The following TYW1B variants were observed in gnomAD, a reference collection of about 807,000 sequenced individuals.
The protein encoded by TYW1B is tRNA-yW synthesizing protein 1 homolog B, also known as S-adenosyl-L-methionine-dependent tRNA 4-demethylwyosine synthase TYW1B.
A neutral mutation model predicts 86.9 loss-of-function variants in TYW1B; 73 were observed. That is an observed-to-expected ratio of 0.84 (90% confidence interval 0.70 to 1.02). TYW1B has a LOEUF of 1.02. Among genes scored for constraint, TYW1B ranks in the 50% least tolerant of loss-of-function variants. TYW1B has a pLI of 0.00. For synonymous variants in TYW1B, 248 were observed against 292.8 expected (o/e 0.85, Z 1.56); for missense variants, 637 against 827.4 (o/e 0.77, Z 2.82).
At chr7:72,659,645 C>T (rs1459651972) in intron 11 of TYW1B, among the ~76,000 whole-genome samples, 6 of 152,094 alleles carry the variant, frequency 3.9e-5, no homozygotes, top group African/African-American at 1.4e-4. Context: ...GGTCAAAATA[C>T]GGAAACAGAA....
At chr7:72,786,683 C>T (rs1447152184) in intron 6 of TYW1B, among the ~76,000 whole-genome samples, 1 of 151,436 alleles carries the variant, frequency 6.6e-6, no homozygotes, top group Admixed American at 6.6e-5. Context: ...TCAAGCAATC[C>T]TCCCACCTTA....
rs1554451129 is a variant in TYW1B at position 72,694,775 on chromosome 7, G to A, written c.1418C>T (p.Thr473Ile). 1.2e-6 allele frequency: 2 copies of A among 1,613,614 alleles called. No individual in the cohort carries two copies. Among genetic ancestry groups the A allele is most frequent in the South Asian group, 2.2e-5 (2 of 90,926 alleles). Reference protein sequence around the residue: ...TQLYVSVDASTKDSLKKIDRP... With the variant: ...TQLYVSVDASIKDSLKKIDRP... ...GTCGATTTTCTTCAGGCTGTCTTTGGTACTGGCATCCACACTGACATACAG... is the reference window on the plus strand; with the variant it reads ...GTCGATTTTCTTCAGGCTGTCTTTGATACTGGCATCCACACTGACATACAG... Residue 473 changes from threonine (T) to isoleucine (I), a missense_variant, in exon 11 of 14, where the codon ACC becomes ATC. Thr to Ile is a moderately conservative substitution (Grantham distance 89). Transcript: ENST00000620995.
intron 2 of TYW1B, among the ~76,000 whole-genome samples, chr7:72,817,496 C>A (rs1189376851): frequency 4.6e-5 from 7 of 152,042 alleles, no homozygotes; most frequent in Non-Finnish European, 1.0e-4. Flanking sequence ...TCGTCCCCTC[C>A]AAATATCATT....
intron 11 of TYW1B, among the ~76,000 whole-genome samples, chr7:72,632,604 G>C (rs1490320655): frequency 6.9e-6 from 1 of 144,468 alleles, no homozygotes; most frequent in Non-Finnish European, 1.5e-5. Flanking sequence ...TCTACATGGA[G>C]AGCCATGATG....
intron 6 of TYW1B, among the ~76,000 whole-genome samples, chr7:72,788,304 T>C (rs1554472880): frequency 1.3e-5 from 2 of 152,066 alleles, no homozygotes; most frequent in Non-Finnish European, 2.9e-5. Flanking sequence ...ATAGCTCCTC[T>C]TCCCGGGCTT....
chr7:72,679,757 A>G (rs1813824384), intron 11 of TYW1B, among the ~76,000 whole-genome samples: 1 of 152,226 alleles, frequency 6.6e-6, no homozygotes. Context: ...ATAGGGTTAC[A>G]TTATTATATA....
In TYW1B at chr7:72,694,692, C is replaced by T. The variant is rs1554451079; in HGVS notation, c.1501G>A (p.Val501Ile). 2 of 1,606,544 alleles carry T rather than the reference C, an allele frequency of 1.2e-6. No individual in the cohort carries two copies. Among genetic ancestry groups the T allele is most frequent in the African/African-American group, 2.7e-5 (2 of 74,392 alleles). The part of the protein sequence containing the change: ...QFLDSLKALA[V>I]KQQRTVYRLM... ...TAAGATGTCATAATTCTTACCTTGA[C>T]TGCCAAGGCTTTTAAACTGTCAAGG... The change falls in exon 11 of 14, where the codon GTC becomes ATC. Residue 501 changes from valine to isoleucine, a missense_variant. Physicochemically the swap from Val to Ile is conservative, Grantham distance 29. Transcript: ENST00000620995.
intron 7 of TYW1B, among the ~76,000 whole-genome samples, chr7:72,747,390 CCT>C (rs1787414439): frequency 6.6e-6 from 1 of 152,212 alleles, no homozygotes; most frequent in South Asian, 2.1e-4. Context: ...TCCAACTGAA[CCT>C]CTTTTTCTTC....
chr7:72,791,237 T>C (rs1255846769), intron 6 of TYW1B, among the ~76,000 whole-genome samples: 2 of 152,068 alleles, frequency 1.3e-5, no homozygotes, highest in South Asian at 2.1e-4. Flanking sequence ...AGGGCCATAA[T>C]AGGATTCCGA....
chr7:72,791,133 C>G (rs1554473285), intron 6 of TYW1B, among the ~76,000 whole-genome samples: 1 of 152,120 alleles, frequency 6.6e-6, no homozygotes, highest in African/African-American at 2.4e-5. Flanking sequence ...TAGAGGAGCG[C>G]TATGGAACGT....
chr7:72,665,722 A>G lies in TYW1B; in HGVS notation c.1506+28965T>C, dbSNP rs150160070. ...AGTAGCCTATGTTATATTTTTGTTT[A>G]TTTTTTGTCTCTCCTATCAGAAAAC... On this transcript the variant is annotated intron_variant, in intron 11 of 13. Transcript: ENST00000620995. 2.4e-4 allele frequency among the ~76,000 whole-genome samples: 37 copies of G among 152,114 alleles called. No individual in the cohort carries two copies. The East Asian group carries it at 6.8e-3, about 28-fold the overall frequency.
chr7:72,716,508 A>C (rs1393880915), intron 9 of TYW1B, among the ~76,000 whole-genome samples: 3 of 152,240 alleles, frequency 2.0e-5, no homozygotes, highest in African/African-American at 7.2e-5. Context: ...CAGTTTTCAG[A>C]AAGTGATTTT....
intron 11 of TYW1B, among the ~76,000 whole-genome samples, chr7:72,639,323 T>C (rs1350100997): frequency 6.6e-6 from 1 of 151,942 alleles, no homozygotes; most frequent in South Asian, 2.1e-4. Context: ...TGCATCACCA[T>C]ACCCAGTTAA....
chr7:72,745,418 T>C (rs568817742), intron 7 of TYW1B, among the ~76,000 whole-genome samples: 13 of 152,226 alleles, frequency 8.5e-5, no homozygotes, highest in Non-Finnish European at 1.5e-4. Context: ...CACTATTTGA[T>C]GATGCAAGGG....
At chr7:72,691,328 C>G (rs34785461) in intron 11 of TYW1B, among the ~76,000 whole-genome samples, 1 of 152,248 alleles carries the variant, frequency 6.6e-6, no homozygotes, top group East Asian at 1.9e-4. Context: ...CAGAAAGTCA[C>G]TGCCCTAATG....
At chr7:72,701,466 G>T (rs1814469837) in intron 10 of TYW1B, among the ~76,000 whole-genome samples, 1 of 152,056 alleles carries the variant, frequency 6.6e-6, no homozygotes, top group Non-Finnish European at 1.5e-5. Flanking sequence ...GTCTCACTAT[G>T]TTGCCCAGGC....
intron 11 of TYW1B, among the ~76,000 whole-genome samples, chr7:72,677,278 G>A (rs2129569849): frequency 1.3e-5 from 2 of 152,066 alleles, no homozygotes; most frequent in South Asian, 4.2e-4. Context: ...CTCCTGAGTA[G>A]GTGGGACTAC....
chr7:72,759,204 G>A (rs554113871), intron 7 of TYW1B, among the ~76,000 whole-genome samples: 17 of 152,258 alleles, frequency 1.1e-4, no homozygotes, highest in Admixed American at 7.8e-4. Context: ...GTGGTGGCAC[G>A]CACACCTGTA....
At position 72,810,375 on chromosome 7, in the gene TYW1B, C is replaced by T. The variant is rs1563102098; in HGVS notation, c.432+96G>A. The T allele has an allele frequency of 7.8e-6, 10 of 1,287,756 alleles. No individual in the cohort carries two copies. In the South Asian group the frequency reaches 8.8e-5, roughly 11 times the overall value. 79.8% of individuals were successfully genotyped at this position (1,287,756 alleles called of 1,614,324 possible). A position where few individuals can be genotyped will look rare whatever the true frequency, so the allele number is the denominator to read the frequency against. ...ATACATGTGTGTTTATGTGTGTGTA[C>T]GTGTGTGCACGTGTGTTTGTGTGTG... On this transcript the variant is annotated intron_variant, in intron 4 of 13. Transcript: ENST00000620995.
Sources: gnomAD v4.1 joint callset for allele counts (sites outside exome capture counted in the v4.1 genomes callset) on GRCh38, gnomAD v4.1.1 for gene constraint, MANE v1.5 for transcripts, NCBI Gene and HGNC (gene_info 2026-07-23, HGNC 2026-07-21) for gene names.